The following TDRD12 variants were observed in gnomAD, a reference collection of about 807,000 sequenced individuals.
TDRD12 encodes the protein putative ATP-dependent RNA helicase TDRD12.
A neutral mutation model predicts 133.5 loss-of-function variants in TDRD12; 158 were observed. That is an observed-to-expected ratio of 1.18 (90% CI 1.04 to 1.35). The LOEUF (loss-of-function observed/expected upper bound fraction) is 1.35, where lower values mean the gene tolerates loss of function less well. TDRD12 is among the 40% of genes most tolerant of loss of function. TDRD12 has a pLI of 0.00. For synonymous variants in TDRD12, 460 were observed against 477.9 expected, an observed-to-expected ratio of 0.96 and a Z score of 0.49; for missense variants, 1,443 against 1,321.3, an observed-to-expected ratio of 1.09 and a Z score of -1.43.
chr19:32,800,401 G>A (rs949654659), intron 17 of TDRD12, 43 bp downstream of exon 17: 74 of 1,307,432 alleles, frequency 5.7e-5, no homozygotes, highest in Non-Finnish European at 6.9e-5. Context: ...GTGTGTGTGT[G>A]TATGTGTTGG....
intron 7 of TDRD12, among the ~76,000 whole-genome samples, chr19:32,756,476 C>G (rs1231338313): frequency 6.6e-6 from 1 of 151,434 alleles, no homozygotes; most frequent in East Asian, 1.9e-4. Context: ...CAAGCTCCTC[C>G]CCCCAGGTTC....
chr19:32,804,891 A>T (rs186514679), intron 21 of TDRD12, among the ~76,000 whole-genome samples: 2 of 151,572 alleles, frequency 1.3e-5, no homozygotes, highest in African/African-American at 4.9e-5. Flanking sequence ...GCGAGATTCC[A>T]TCTCAAAAAA....
downstream of TDRD12, chr19:32,826,237 C>T (rs943757035): frequency 6.8e-7 from 1 of 1,480,198 alleles, no homozygotes; most frequent in Non-Finnish European, 9.0e-7. Flanking sequence ...GGTCTTTCTT[C>T]TTCTAGCTTC....
chr19:32,813,542 G>C, intron 24 of TDRD12, 142 bp from the exon 25 acceptor site: 1 of 575,806 alleles, frequency 1.7e-6, no homozygotes. Context: ...TGGACGAGAG[G>C]GGGTGATGAC....
intron 1 of TDRD12, among the ~76,000 whole-genome samples, chr19:32,724,049 G>A (rs997681527): frequency 1.3e-5 from 2 of 152,054 alleles, no homozygotes; most frequent in African/African-American, 4.8e-5. Context: ...TTTAGAGACA[G>A]GGTCTCACTG....
intron 21 of TDRD12, among the ~76,000 whole-genome samples, chr19:32,805,238 C>G (rs1318987126): frequency 5.0e-5 from 7 of 141,018 alleles, no homozygotes; most frequent in African/African-American, 1.8e-4. Context: ...TATATATAAG[C>G]CAGCTGTGGT....
chr19:32,826,454 G>T, exon 9 of TDRD12: 1 of 1,247,560 alleles, frequency 8.0e-7, no homozygotes. Context: ...GTGCTTGGGT[G>T]GGAGACAAAT....
At chr19:32,805,169 T>TTA (rs1219376452) in intron 21 of TDRD12, among the ~76,000 whole-genome samples, 4 of 127,400 alleles carry the variant, frequency 3.1e-5, no homozygotes, top group African/African-American at 1.2e-4. Flanking sequence ...ATGTTATATA[T>TTA]TATATATATA....
At chr19:32,823,931 C>T (rs1012187435), downstream of TDRD12, among the ~76,000 whole-genome samples, 1 of 152,176 alleles carries the variant, frequency 6.6e-6, no homozygotes, top group Non-Finnish European at 1.5e-5. Flanking sequence ...CCTCGGGGGA[C>T]GTCAGGGCAG....
At chr19:32,741,728 C>A (rs547301688) in intron 3 of TDRD12, among the ~76,000 whole-genome samples, 1 of 152,184 alleles carries the variant, frequency 6.6e-6, no homozygotes, top group South Asian at 2.1e-4. Context: ...GGAAAGAAAG[C>A]CAGTTCATGT....
chr19:32,820,989 T>C, intron 27 of TDRD12, 44 bp from the exon 28 acceptor site: 2 of 1,484,784 alleles, frequency 1.3e-6, no homozygotes, highest in Non-Finnish European at 1.8e-6. Flanking sequence ...ACTTGGGCAG[T>C]TCCTGTAGAG....
chr19:32,766,184 T>G (rs1431743490), intron 8 of TDRD12, among the ~76,000 whole-genome samples: 5 of 152,160 alleles, frequency 3.3e-5, no homozygotes, highest in African/African-American at 1.2e-4. Context: ...TTAATTGGAG[T>G]ATTTAAATCA....
At chr19:32,802,482 A>C (rs2145702465) in intron 19 of TDRD12, among the ~76,000 whole-genome samples, 174 bp from the exon 20 acceptor site, 1 of 152,214 alleles carries the variant, frequency 6.6e-6, no homozygotes, top group South Asian at 2.1e-4. Flanking sequence ...TTTCTCTGGA[A>C]TTTAAGCACT....
At chr19:32,759,873 C>T (rs571339057) in intron 8 of TDRD12, among the ~76,000 whole-genome samples, 59 of 152,368 alleles carry the variant, frequency 3.9e-4, no homozygotes, top group African/African-American at 1.4e-3. Flanking sequence ...ATGTCATCCC[C>T]ATCCCCCTGG....
chr19:32,827,004 C>A (rs571106636), intron 9 of TDRD12, among the ~76,000 whole-genome samples, 160 bp from the exon 33 acceptor site: 1 of 152,082 alleles, frequency 6.6e-6, no homozygotes, highest in Admixed American at 6.6e-5. Flanking sequence ...TGTAAGCAGA[C>A]CAATTTGACC....
intron 11 of TDRD12, among the ~76,000 whole-genome samples, chr19:32,787,814 G>A (rs1173916899): frequency 1.3e-5 from 2 of 152,198 alleles, no homozygotes; most frequent in East Asian, 3.9e-4. Flanking sequence ...TATTTGGGCA[G>A]GAGTATACTG....
intron 7 of TDRD12, among the ~76,000 whole-genome samples, chr19:32,756,594 C>T (rs1484223054): frequency 2.6e-5 from 4 of 152,028 alleles, no homozygotes; most frequent in Non-Finnish European, 4.4e-5. Flanking sequence ...TTCACCATGT[C>T]AGCCAGGATG....
In TDRD12 at chr19:32,826,376, A is replaced by G; in HGVS notation, c.895+19A>G. 8.1e-7 allele frequency: 1 copy of G among 1,240,026 alleles called. No individual in the cohort carries two copies. Among genetic ancestry groups the G allele is most frequent in the Non-Finnish European group, 1.0e-6 (1 of 986,480 alleles). 76.8% of individuals were successfully genotyped at this position (1,240,026 alleles called of 1,614,324 possible). On this transcript the variant is annotated intron_variant, in intron 8 of 9. Transcript: ENST00000637289. Reference sequence around the variant, plus strand: ...TTTTCAGGTAGGTTTATGTATAGTCATATAAAGTAAAATAGAAATAATTTT... The same window carrying G: ...TTTTCAGGTAGGTTTATGTATAGTCGTATAAAGTAAAATAGAAATAATTTT...
At chr19:32,821,926 G>T (rs1401921657), downstream of TDRD12, among the ~76,000 whole-genome samples, 2 of 152,146 alleles carry the variant, frequency 1.3e-5, no homozygotes, top group Non-Finnish European at 2.9e-5. Flanking sequence ...TTTCTGACGT[G>T]TATGAACTTG....
Sources: allele counts gnomAD v4.1 joint callset (sites outside exome capture counted in the v4.1 genomes callset), GRCh38; gene constraint gnomAD v4.1.1; transcripts MANE v1.5; gene names NCBI Gene and HGNC (gene_info 2026-07-23, HGNC 2026-07-21).